Variants in NSUN6 observed in about 807,000 individuals in gnomAD.
The protein encoded by NSUN6 is tRNA (cytosine(72)-C(5))-methyltransferase NSUN6.
NSUN6 carries 64 observed loss-of-function variants against 58.0 expected under a neutral mutation model. The observed-to-expected ratio is 1.10, with a 90% confidence interval of 0.90 to 1.36. NSUN6 has a LOEUF of 1.36. NSUN6 is among the 40% of genes most tolerant of loss of function. The pLI is 0.00. For missense variants in NSUN6, 701 were observed against 550.1 expected (o/e 1.27, Z -2.74); for synonymous variants, 231 against 193.9 (o/e 1.19, Z -1.59).
intron 8 of NSUN6, among the ~76,000 whole-genome samples, chr10:18,560,178 G>A (rs139131175): frequency 5.2e-4 from 78 of 150,948 alleles, no homozygotes; most frequent in Non-Finnish European, 1.1e-3. Flanking sequence ...ATGGAATGGA[G>A]AATGAACTGG....
At chr10:18,618,105 T>C (rs4748497) in intron 3 of NSUN6, among the ~76,000 whole-genome samples, 33,239 of 152,126 alleles carry the variant, frequency 0.22, 4,024 homozygotes, top group South Asian at 0.35. Context: ...AGCTATCTTC[T>C]AGTTCTGATA....
rs45533639 is a variant in NSUN6 at position 18,648,467 on chromosome 10, A to C, written c.231+23T>G. ...GATTGCAAAAATGTAATTATGTACA[A>C]ATGACAGAAAATTTCCACAAACCTT... On this transcript the variant is annotated intron_variant, in intron 2 of 10. Coordinates refer to ENST00000377304, the MANE Select transcript of NSUN6 (RefSeq NM_182543.5). 3.1e-3 allele frequency: 4,707 copies of C among 1,542,498 alleles called. 19 individuals carry two copies. The highest frequency in any genetic ancestry group is 9.9e-3 in the Middle Eastern group (58 of 5,868).
At chr10:18,584,230 G>A (rs1051552116) in intron 8 of NSUN6, among the ~76,000 whole-genome samples, 1 of 152,192 alleles carries the variant, frequency 6.6e-6, no homozygotes, top group South Asian at 2.1e-4. Flanking sequence ...CCAGGAAGGT[G>A]CCAATTAAAC....
intron 2 of NSUN6, among the ~76,000 whole-genome samples, chr10:18,644,839 C>CA (rs1162708826): frequency 0.012 from 1,157 of 97,410 alleles, 8 homozygotes; most frequent in Non-Finnish European, 0.014. Flanking sequence ...GACTCCGTCT[C>CA]AAAAAAAAAA....
At position 18,594,552 on chromosome 10, in the gene NSUN6, G is replaced by A. The variant is rs184315156; in HGVS notation, c.777+1656C>T. On this transcript the variant is annotated intron_variant, in intron 7 of 10. Transcript: ENST00000377304. ...CAATCTCTGCCTCCCAGGTCCAAGC[G>A]ATTCTCCTGCCTCAGCCTCCCAAGT... Among the ~76,000 whole-genome samples, 766 of 152,060 alleles carry A rather than the reference G, an allele frequency of 5.0e-3. 6 individuals carry two copies. Among genetic ancestry groups the A allele is most frequent in the Non-Finnish European group, 6.3e-3 (428 of 67,988 alleles).
At chr10:18,576,236 T>C (rs891027322) in intron 8 of NSUN6, among the ~76,000 whole-genome samples, 1 of 152,142 alleles carries the variant, frequency 6.6e-6, no homozygotes, top group African/African-American at 2.4e-5. Flanking sequence ...CTCAAACTAC[T>C]GCATTTGATG....
chr10:18,621,898 CAT>C (rs1419018651), intron 3 of NSUN6, among the ~76,000 whole-genome samples: 4 of 152,316 alleles, frequency 2.6e-5, no homozygotes, highest in Non-Finnish European at 4.4e-5. Flanking sequence ...TGAAACAGCA[CAT>C]GATATTGCTG....
chr10:18,645,993 G>A (rs1003505366), intron 2 of NSUN6, among the ~76,000 whole-genome samples: 1 of 152,096 alleles, frequency 6.6e-6, no homozygotes, highest in African/African-American at 2.4e-5. Context: ...TTAGGAGTTC[G>A]AGACCAGCCT....
chr10:18,613,388 C>T (rs1051024983), intron 5 of NSUN6, among the ~76,000 whole-genome samples: 4 of 152,138 alleles, frequency 2.6e-5, no homozygotes, highest in African/African-American at 9.7e-5. Context: ...TGAGCCACCA[C>T]GCCCGGCCAA....
intron 8 of NSUN6, among the ~76,000 whole-genome samples, chr10:18,584,509 CA>C (rs1295561340): frequency 1.3e-5 from 2 of 152,190 alleles, no homozygotes; most frequent in African/African-American, 4.8e-5. Flanking sequence ...AAAATGAAGA[CA>C]AATGACCACA....
chr10:18,610,675 T>A (rs111363531), intron 5 of NSUN6, among the ~76,000 whole-genome samples: 1,770 of 152,300 alleles, frequency 0.012, 15 homozygotes, highest in Non-Finnish European at 0.015. Flanking sequence ...AGGACTCAGA[T>A]GGCCTGGTGG....
At chr10:18,652,779 C>A, upstream of NSUN6, 1 of 524,396 alleles carries the variant, frequency 1.9e-6, no homozygotes, top group South Asian at 8.2e-5. Flanking sequence ...AGGCTGGTCT[C>A]AAACTCCTGA....
intron 9 of NSUN6, among the ~76,000 whole-genome samples, chr10:18,548,757 T>C (rs753505251): frequency 6.6e-6 from 1 of 152,132 alleles, no homozygotes; most frequent in Non-Finnish European, 1.5e-5. Context: ...ATTTCTATAA[T>C]ACTATCAAAC....
At chr10:18,598,519 T>G (rs929620084) in intron 6 of NSUN6, among the ~76,000 whole-genome samples, 28 of 152,224 alleles carry the variant, frequency 1.8e-4, no homozygotes, top group African/African-American at 6.5e-4. Context: ...TCACCTAGGT[T>G]GCAGTGCAGT....
intron 6 of NSUN6, among the ~76,000 whole-genome samples, chr10:18,605,006 C>G (rs1285490736): frequency 1.3e-5 from 2 of 151,276 alleles, no homozygotes; most frequent in Non-Finnish European, 2.9e-5. Context: ...CTGCCTCAGC[C>G]TCCTGAGTAG....
intron 8 of NSUN6, 117 bp from the exon 9 acceptor site, chr10:18,552,088 T>C (rs2054641697): frequency 1.6e-6 from 1 of 643,266 alleles, no homozygotes; most frequent in African/African-American, 1.8e-5. Flanking sequence ...AAACAATTTC[T>C]CCCTTCAATC....
At chr10:18,609,503 T>A (rs935152033) in intron 6 of NSUN6, among the ~76,000 whole-genome samples, 1 of 152,074 alleles carries the variant, frequency 6.6e-6, no homozygotes, top group African/African-American at 2.4e-5. Context: ...ACCAGCAGAC[T>A]ATAACAAGTC....
At chr10:18,553,458 T>C (rs2054750062) in intron 8 of NSUN6, among the ~76,000 whole-genome samples, 1 of 147,960 alleles carries the variant, frequency 6.8e-6, no homozygotes, top group African/African-American at 2.5e-5. Flanking sequence ...TGGAATGGAA[T>C]GGAGAATGAA....
chr10:18,639,974 C>G (rs190617066), intron 3 of NSUN6, among the ~76,000 whole-genome samples: 18 of 152,142 alleles, frequency 1.2e-4, no homozygotes, highest in African/African-American at 4.3e-4. Context: ...CACAAATATT[C>G]ACTCTAACAC....
Sources: gnomAD v4.1 joint callset for allele counts (sites outside exome capture counted in the v4.1 genomes callset) on GRCh38, gnomAD v4.1.1 for gene constraint, MANE v1.5 for transcripts, NCBI Gene and HGNC (gene_info 2026-07-23, HGNC 2026-07-21) for gene names.